The following TYW1 variants were observed in gnomAD, a reference collection of about 807,000 sequenced individuals.
TYW1 encodes S-adenosyl-L-methionine-dependent tRNA 4-demethylwyosine synthase TYW1.
A neutral mutation model predicts 96.2 loss-of-function variants in TYW1; 46 were observed. That is an observed-to-expected ratio of 0.48 (90% CI 0.38 to 0.61). The LOEUF is 0.61. Among genes scored for constraint, TYW1 ranks in the 20% least tolerant of loss-of-function variants. The probability of loss-of-function intolerance (pLI) is 0.00; values close to 1 mark genes in which losing one functional copy is unlikely to be tolerated. For synonymous variants in TYW1, 274 were observed against 323.0 expected, an observed-to-expected ratio of 0.85 and a Z score of 1.63; for missense variants, 684 against 909.6, an observed-to-expected ratio of 0.75 and a Z score of 3.19.
chr7:67,156,199 G>A (rs1352239949), intron 13 of TYW1, among the ~76,000 whole-genome samples: 3 of 152,220 alleles, frequency 2.0e-5, no homozygotes, highest in Non-Finnish European at 4.4e-5. Flanking sequence ...ATGCAATAGT[G>A]GTGGCAGTCA....
intron 14 of TYW1, among the ~76,000 whole-genome samples, chr7:67,193,759 CAAA>C (rs35069275): frequency 1.7e-5 from 2 of 116,162 alleles, no homozygotes; most frequent in Non-Finnish European, 1.8e-5. Flanking sequence ...GACTCTGTCT[CAAA>C]AAAAAAAAAA....
intron 4 of TYW1, among the ~76,000 whole-genome samples, chr7:67,012,273 G>A (rs1793835801): frequency 6.6e-6 from 1 of 151,970 alleles, no homozygotes; most frequent in Admixed American, 6.6e-5. Flanking sequence ...GCTTAAACTC[G>A]GGAGGTGGAG....
At chr7:67,228,914 C>G (rs1490023069) in intron 15 of TYW1, among the ~76,000 whole-genome samples, 1 of 152,138 alleles carries the variant, frequency 6.6e-6, no homozygotes, top group Admixed American at 6.5e-5. Flanking sequence ...CAAGGGAAAC[C>G]GATGGGAAGT....
At chr7:66,997,258 C>T (rs1793200307) in intron 1 of TYW1, among the ~76,000 whole-genome samples, 2 of 152,180 alleles carry the variant, frequency 1.3e-5, no homozygotes, top group South Asian at 2.1e-4. Context: ...AAATTTCAGG[C>T]CTCGACTTTT....
intron 9 of TYW1, among the ~76,000 whole-genome samples, chr7:67,058,126 G>C (rs1795582939): frequency 6.6e-6 from 1 of 152,144 alleles, no homozygotes; most frequent in Non-Finnish European, 1.5e-5. Flanking sequence ...AGTAGAGACA[G>C]GGTTTCACCG....
chr7:67,167,468 CAAAAAAAAAAAAAAAAAA>C (rs869281504), intron 13 of TYW1, among the ~76,000 whole-genome samples: 1 of 78,804 alleles, frequency 1.3e-5, no homozygotes, highest in East Asian at 5.9e-4. Context: ...GACTCTGTCT[CAAAAAAAAAAAAAAAAAA>C]AAAAAAAAGG....
intron 15 of TYW1, among the ~76,000 whole-genome samples, chr7:67,236,806 C>G (rs1436433365): frequency 1.3e-5 from 2 of 150,348 alleles, no homozygotes; most frequent in Non-Finnish European, 3.0e-5. Context: ...ATTCTAAATT[C>G]AGGAACCTAT....
At chr7:67,122,860 T>C (rs918817687) in intron 13 of TYW1, among the ~76,000 whole-genome samples, 7 of 152,204 alleles carry the variant, frequency 4.6e-5, no homozygotes, top group African/African-American at 1.7e-4. Flanking sequence ...TCTCAGCTAC[T>C]CCTGAGTTGC....
chr7:66,999,417 C>T (rs1272667694), intron 3 of TYW1, among the ~76,000 whole-genome samples: 2 of 152,146 alleles, frequency 1.3e-5, no homozygotes, highest in Admixed American at 6.5e-5. Flanking sequence ...TGCAGTGGCA[C>T]GATCTCGGCT....
chr7:67,096,224 C>A (rs1388379601), intron 11 of TYW1, among the ~76,000 whole-genome samples: 2 of 152,144 alleles, frequency 1.3e-5, no homozygotes, highest in Non-Finnish European at 2.9e-5. Context: ...CACATCTCTA[C>A]TGAAACTACA....
At chr7:67,047,489 T>A (rs1054797666) in intron 7 of TYW1, among the ~76,000 whole-genome samples, 2 of 152,218 alleles carry the variant, frequency 1.3e-5, no homozygotes, top group African/African-American at 4.8e-5. Context: ...GAACAAATGA[T>A]CAATGTTTGT....
chr7:67,103,938 G>T (rs532429770), intron 12 of TYW1, among the ~76,000 whole-genome samples: 3 of 152,250 alleles, frequency 2.0e-5, no homozygotes, highest in South Asian at 4.2e-4. Flanking sequence ...TTTAAACCTG[G>T]GAGGGGCTTT....
At chr7:67,013,394 A>G (rs1480596410) in intron 4 of TYW1, among the ~76,000 whole-genome samples, 1 of 152,084 alleles carries the variant, frequency 6.6e-6, no homozygotes, top group East Asian at 1.9e-4. Flanking sequence ...AAGTCCTGGG[A>G]TTACAGGTAT....
chr7:67,049,581 C>G (rs998252019), intron 7 of TYW1, among the ~76,000 whole-genome samples: 3 of 151,952 alleles, frequency 2.0e-5, no homozygotes, highest in African/African-American at 4.8e-5. Flanking sequence ...GAGTCTTTCT[C>G]TGTTGCCCAG....
At chr7:67,066,226 C>T (rs1795865992) in intron 9 of TYW1, among the ~76,000 whole-genome samples, 1 of 152,094 alleles carries the variant, frequency 6.6e-6, no homozygotes, top group South Asian at 2.1e-4. Context: ...CCTACCTGTC[C>T]CACTGATCTT....
chr7:67,099,906 G>A (rs973275874), intron 12 of TYW1, among the ~76,000 whole-genome samples: 1 of 152,136 alleles, frequency 6.6e-6, no homozygotes, highest in Non-Finnish European at 1.5e-5. Flanking sequence ...GGAGGCTGAG[G>A]CAGGAGAATC....
At chr7:67,183,819 A>ATATTTTATTTTATTT (rs10644987) in intron 14 of TYW1, among the ~76,000 whole-genome samples, 1 of 151,370 alleles carries the variant, frequency 6.6e-6, no homozygotes, top group Admixed American at 6.6e-5. Flanking sequence ...ACTTTATTTC[A>ATATTTTATTTTATTT]TATTTTATTT....
chr7:67,008,211 C>T (rs944581920), intron 3 of TYW1, among the ~76,000 whole-genome samples: 132 of 152,316 alleles, frequency 8.7e-4, no homozygotes, highest in Non-Finnish European at 1.2e-3. Context: ...AGCAGGGCTT[C>T]CAGGCCGTTT....
chr7:67,196,822 C>A (rs1424287918), intron 15 of TYW1, among the ~76,000 whole-genome samples: 11 of 151,928 alleles, frequency 7.2e-5, no homozygotes, highest in Non-Finnish European at 1.2e-4. Flanking sequence ...AGATAGCAAA[C>A]CATCTCATTC....
Sources: gnomAD v4.1 joint callset for allele counts (sites outside exome capture counted in the v4.1 genomes callset) on GRCh38, gnomAD v4.1.1 for gene constraint, MANE v1.5 for transcripts, NCBI Gene and HGNC (gene_info 2026-07-23, HGNC 2026-07-21) for gene names.